Variants in TRPC5 observed in about 807,000 individuals in gnomAD.
The protein encoded by TRPC5 is short transient receptor potential channel 5.
Under a neutral mutation model 56.5 loss-of-function variants are expected in TRPC5, and 9 were observed. The observed-to-expected ratio is 0.16, with a 90% CI of 0.10 to 0.28. The LOEUF (loss-of-function observed/expected upper bound fraction) is 0.28. TRPC5 is among the 10% of genes least tolerant of loss of function. The pLI is 1.00. For synonymous variants in TRPC5, 282 were observed against 278.5 expected, an observed-to-expected ratio of 1.01 and a Z score of -0.13; for missense variants, 469 against 748.9, an observed-to-expected ratio of 0.63 and a Z score of 4.36.
At chrX:111,979,882 A>G (rs1414359065) in intron 1 of TRPC5, among the ~76,000 whole-genome samples, 1 of 111,896 alleles carries the variant, frequency 8.9e-6, no homozygotes, top group East Asian at 2.8e-4. Context: ...AGGGAATGAA[A>G]AAATGGTACA....
intron 3 of TRPC5, among the ~76,000 whole-genome samples, chrX:111,864,154 T>A (rs1249268137): frequency 9.1e-6 from 1 of 109,306 alleles, no homozygotes; most frequent in Admixed American, 9.8e-5. Flanking sequence ...ACCCGGCTAT[T>A]TTTTTTTGTA....
intron 2 of TRPC5, among the ~76,000 whole-genome samples, chrX:111,939,000 A>G (rs1394378502): frequency 8.9e-6 from 1 of 111,924 alleles, no homozygotes; most frequent in Non-Finnish European, 1.9e-5. Flanking sequence ...TCTTAGAGGA[A>G]AGGAAAGGAT....
chrX:112,055,732 AAT>A lies in TRPC5; in HGVS notation c.-22+26145_-22+26146del, dbSNP rs201713544. Among the ~76,000 whole-genome samples, 762 of 108,929 alleles carry A rather than the reference AAT, an allele frequency of 7.0e-3. 9 individuals are homozygous for A. The highest frequency in any genetic ancestry group is 0.024 in the African/African-American group (723 of 30,258). The allele number at this position is 108,929 out of a possible 115,157, so 94.6% of individuals were successfully genotyped here. A position where few individuals can be genotyped will look rare whatever the true frequency, so the allele number is the denominator to read the frequency against. ...GTACAGTAGCATATGTTTAGTTATAAATATATGTTTATACATGATATACATTA... is the reference window on the plus strand; with the variant it reads ...GTACAGTAGCATATGTTTAGTTATAAATATGTTTATACATGATATACATTA... On this transcript the variant is annotated intron_variant, in intron 1 of 10. Transcript: ENST00000262839.
At chrX:111,909,787 A>T (rs16986685) in intron 3 of TRPC5, among the ~76,000 whole-genome samples, 14,426 of 111,325 alleles carry the variant, frequency 0.13, 1,309 homozygotes, top group African/African-American at 0.32. Flanking sequence ...CACAAGGGAC[A>T]AAATTTCTGG....
At chrX:112,026,763 A>G (rs925248759) in intron 1 of TRPC5, among the ~76,000 whole-genome samples, 2 of 111,010 alleles carry the variant, frequency 1.8e-5, no homozygotes, top group Admixed American at 1.9e-4. Flanking sequence ...TTGTATGTGT[A>G]GAGTCCTGGC....
chrX:111,945,533 T>TGAG (rs773449974), intron 2 of TRPC5, among the ~76,000 whole-genome samples: 37 of 110,579 alleles, frequency 3.3e-4, no homozygotes, highest in African/African-American at 1.2e-3. Context: ...CCCTGTTTGG[T>TGAG]GAGGAAAATT....
At chrX:111,944,313 A>T (rs1306683957) in intron 2 of TRPC5, among the ~76,000 whole-genome samples, 2 of 90,932 alleles carry the variant, frequency 2.2e-5, no homozygotes, top group East Asian at 3.0e-4. Flanking sequence ...TGAGAGAGAG[A>T]GAGAGAGAGA....
chrX:111,829,029 C>T (rs1323143701), intron 7 of TRPC5, among the ~76,000 whole-genome samples: 2 of 111,339 alleles, frequency 1.8e-5, no homozygotes, highest in Admixed American at 9.6e-5. Flanking sequence ...TTGAGCTGGG[C>T]ATGGTGGCTC....
chrX:111,787,430 G>A (rs761675523), intron 7 of TRPC5, among the ~76,000 whole-genome samples: 196 of 110,655 alleles, frequency 1.8e-3, no homozygotes, highest in African/African-American at 5.7e-3. Context: ...AATTTATAGC[G>A]CTAAATGCCC....
intron 1 of TRPC5, among the ~76,000 whole-genome samples, chrX:112,022,862 A>G (rs1181875050): frequency 1.8e-5 from 2 of 112,606 alleles, no homozygotes; most frequent in African/African-American, 6.4e-5. Flanking sequence ...ATTGTTTAGC[A>G]TTTATGTAGT....
intron 3 of TRPC5, among the ~76,000 whole-genome samples, chrX:111,910,368 A>C (rs139344305): frequency 0.028 from 3,027 of 109,575 alleles, 91 homozygotes; most frequent in African/African-American, 0.095. Flanking sequence ...GCTTAACACG[A>C]TAACTGATAC....
At chrX:112,068,678 T>C (rs1351950544) in intron 1 of TRPC5, among the ~76,000 whole-genome samples, 5 of 111,310 alleles carry the variant, frequency 4.5e-5, no homozygotes, top group Non-Finnish European at 7.5e-5. Flanking sequence ...TGTGGAACAC[T>C]CTATTCTGAG....
At chrX:112,036,215 C>T (rs1422121916) in intron 1 of TRPC5, among the ~76,000 whole-genome samples, 1 of 111,618 alleles carries the variant, frequency 9.0e-6, no homozygotes, top group African/African-American at 3.3e-5. Context: ...AATTTATGCC[C>T]AGATTTTTCT....
At chrX:111,789,280 T>C (rs1945997713) in intron 7 of TRPC5, among the ~76,000 whole-genome samples, 1 of 111,744 alleles carries the variant, frequency 8.9e-6, no homozygotes, top group Non-Finnish European at 1.9e-5. Context: ...AACCATCTGA[T>C]CTTTGACAAA....
At chrX:111,834,125 A>G (rs1922493639) in intron 7 of TRPC5, among the ~76,000 whole-genome samples, 1 of 112,154 alleles carries the variant, frequency 8.9e-6, no homozygotes, top group Non-Finnish European at 1.9e-5. Context: ...GACATAAAAA[A>G]CCAGGGCAGG....
chrX:112,025,731 T>G (rs1257438245), intron 1 of TRPC5, among the ~76,000 whole-genome samples: 1 of 111,610 alleles, frequency 9.0e-6, no homozygotes, highest in Non-Finnish European at 1.9e-5. Context: ...TCATGTGTGT[T>G]TTCTTTAAAC....
chrX:111,804,006 C>T (rs1921409638), intron 7 of TRPC5, among the ~76,000 whole-genome samples: 3 of 112,056 alleles, frequency 2.7e-5, no homozygotes, highest in African/African-American at 9.7e-5. Flanking sequence ...AGTCTTTAAT[C>T]CATCTTGAAT....
At chrX:111,881,145 T>A (rs867665080) in intron 3 of TRPC5, among the ~76,000 whole-genome samples, 2 of 95,025 alleles carry the variant, frequency 2.1e-5, no homozygotes, top group South Asian at 8.1e-4. Flanking sequence ...GATTTTCTTT[T>A]GTTTATTTTA....
intron 2 of TRPC5, among the ~76,000 whole-genome samples, chrX:111,915,507 G>T (rs1015294107): frequency 9.0e-6 from 1 of 111,626 alleles, no homozygotes; most frequent in South Asian, 3.8e-4. Flanking sequence ...CCACTCAGGG[G>T]CCATTGCAAG....
Sources: gnomAD v4.1 joint callset for allele counts (sites outside exome capture counted in the v4.1 genomes callset) on GRCh38, gnomAD v4.1.1 for gene constraint, MANE v1.5 for transcripts, NCBI Gene and HGNC (gene_info 2026-07-23, HGNC 2026-07-21) for gene names.